LANCL3: variants seen among roughly 807,000 people sequenced by gnomAD.
The protein encoded by LANCL3 is LanC like family member 3, also known as lanC-like protein 3.
LANCL3 carries 19 observed loss-of-function variants against 26.5 expected under a neutral mutation model. That is an observed-to-expected ratio of 0.72 (90% CI 0.50 to 1.05). LANCL3 has a LOEUF of 1.05. Among genes scored for constraint, LANCL3 ranks in the 50% least tolerant of loss-of-function variants. The probability of loss-of-function intolerance (pLI) is 0.00; values close to 1 mark genes in which losing one functional copy is unlikely to be tolerated. For missense variants in LANCL3, 318 were observed against 362.7 expected, an observed-to-expected ratio of 0.88 and a Z score of 1.00; for synonymous variants, 160 against 166.6, an observed-to-expected ratio of 0.96 and a Z score of 0.30.
At chrX:37,647,830 A>G (rs1167208955) in intron 1 of LANCL3, among the ~76,000 whole-genome samples, 1 of 113,007 alleles carries the variant, frequency 8.8e-6, no homozygotes, top group African/African-American at 3.2e-5. Context: ...TACTCCGTAT[A>G]TTGTAAAAAT....
intron 1 of LANCL3, 81 bp from the exon 2 acceptor site, chrX:37,655,607 G>T: frequency 1.2e-6 from 1 of 860,409 alleles, no homozygotes; most frequent in South Asian, 3.0e-5. Flanking sequence ...TATGATGCTA[G>T]ACTTCTTAAG....
intron 1 of LANCL3, among the ~76,000 whole-genome samples, chrX:37,641,278 T>A (rs1925853362): frequency 9.1e-6 from 1 of 109,998 alleles, no homozygotes; most frequent in East Asian, 2.8e-4. Context: ...TTATTTCATA[T>A]ATATATATAT....
At chrX:37,581,653 T>C (rs1250421586) in intron 1 of LANCL3, among the ~76,000 whole-genome samples, 1 of 112,044 alleles carries the variant, frequency 8.9e-6, no homozygotes, top group East Asian at 2.8e-4. Context: ...GACATCTTCC[T>C]TTTTATTTTC....
At chrX:37,657,466 A>G (rs1364796316) in intron 2 of LANCL3, among the ~76,000 whole-genome samples, 2 of 110,380 alleles carry the variant, frequency 1.8e-5, no homozygotes, top group African/African-American at 6.6e-5. Context: ...AGCTCAGTTG[A>G]TCCTCCTGCC....
At chrX:37,653,769 T>C (rs1926213687) in intron 1 of LANCL3, among the ~76,000 whole-genome samples, 1 of 111,710 alleles carries the variant, frequency 9.0e-6, no homozygotes, top group African/African-American at 3.3e-5. Flanking sequence ...GAAAGAAGAC[T>C]TGGGGCTGAT....
rs1926849488 is a variant in LANCL3, at chrX:37,677,684, A to T, written c.*1871A>T. On this transcript the variant is annotated 3_prime_UTR_variant, in exon 5 of 5. Coordinates refer to ENST00000378619, the MANE Select transcript of LANCL3 (RefSeq NM_001170331.2). Reference sequence around the variant, plus strand: ...AGGCTGAATATAATAACCATCCTATATACAGAGCTTTATGGAACACATGCA... The same window carrying T: ...AGGCTGAATATAATAACCATCCTATTTACAGAGCTTTATGGAACACATGCA... 1 of 111,778 alleles carries T rather than the reference A, an allele frequency of 8.9e-6. No individual in the cohort carries two copies. The highest frequency in any genetic ancestry group is 2.8e-4 in the East Asian group (1 of 3,598). 9.2% of individuals were successfully genotyped at this position (111,778 alleles called of 1,213,427 possible).
At position 37,647,477 on chromosome X, in the gene LANCL3, A is replaced by C. The variant is rs192392287; in HGVS notation, c.574-8211A>C. On this transcript the variant is annotated intron_variant, in intron 1 of 4. Coordinates refer to ENST00000378619, the MANE Select transcript of LANCL3 (RefSeq NM_001170331.2). Reference sequence around the variant, plus strand: ...TCATTTTGATGTTTATTGGGTAGTCAGATGGCTTCTTTCTCTAGGCAGAAG... The same window carrying C: ...TCATTTTGATGTTTATTGGGTAGTCCGATGGCTTCTTTCTCTAGGCAGAAG... Among the ~76,000 whole-genome samples the C allele has an allele frequency of 7.1e-5, 8 of 112,649 alleles. No individual in the cohort carries two copies. The East Asian group carries it at 1.7e-3, about 24-fold the overall frequency.
At chrX:37,654,370 ATG>A (rs1926230786) in intron 1 of LANCL3, among the ~76,000 whole-genome samples, 1 of 112,591 alleles carries the variant, frequency 8.9e-6, no homozygotes, top group Non-Finnish European at 1.9e-5. Flanking sequence ...GGAAAATTAA[ATG>A]TGTCAGTTTT....
intron 1 of LANCL3, among the ~76,000 whole-genome samples, chrX:37,647,056 T>A (rs1926003803): frequency 8.9e-6 from 1 of 112,233 alleles, no homozygotes; most frequent in Non-Finnish European, 1.9e-5. Flanking sequence ...GGCTCACACC[T>A]GTAATCCCAG....
chrX:37,635,546 A>G (rs1925683618), intron 1 of LANCL3, among the ~76,000 whole-genome samples: 1 of 111,238 alleles, frequency 9.0e-6, no homozygotes, highest in Non-Finnish European at 1.9e-5. Flanking sequence ...ATCATTTAAC[A>G]CACCTGTCCC....
At chrX:37,585,054 C>T (rs1267718871) in intron 1 of LANCL3, among the ~76,000 whole-genome samples, 7 of 111,929 alleles carry the variant, frequency 6.3e-5, no homozygotes, top group Admixed American at 3.8e-4. Context: ...TCGTTATGTA[C>T]CCAGTAGTCA....
chrX:37,622,233 A>G (rs1556422346), intron 1 of LANCL3, among the ~76,000 whole-genome samples: 1 of 111,276 alleles, frequency 9.0e-6, no homozygotes, highest in Admixed American at 9.6e-5. Flanking sequence ...TTTCATGTCA[A>G]TACTTTAGCT....
chrX:37,615,049 C>T (rs782191378), intron 1 of LANCL3, among the ~76,000 whole-genome samples: 3 of 111,916 alleles, frequency 2.7e-5, no homozygotes, highest in South Asian at 7.4e-4. Flanking sequence ...CCCCATTTTA[C>T]GGTGAAGAAA....
rs1166196069 is a variant in LANCL3, at chrX:37,682,168, T to C, written c.*6355T>C. 1.9e-5 allele frequency: 2 copies of C among 103,540 alleles called. No individual in the cohort carries two copies. Among genetic ancestry groups the C allele is most frequent in the African/African-American group, 3.5e-5 (1 of 28,455 alleles). 8.5% of individuals were successfully genotyped at this position (103,540 alleles called of 1,213,427 possible). The stretch of plus-strand genomic sequence containing the variant: ...CCCAGGCTGGAGTGCAGTGGCGGGA[T>C]CTCGGCTCGCTGCAAGCTCCGCCTC... On this transcript the variant is annotated 3_prime_UTR_variant, in exon 5 of 5. Transcript: ENST00000378619.
In LANCL3 at chrX:37,572,239, G is replaced by C; in HGVS notation, c.369G>C (p.Gly123=). The change falls in exon 1 of 5, where the codon GGG becomes GGC. Residue 123 remains glycine (G), a synonymous_variant. Transcript: ENST00000378619. ...DADTRAAFLL[G]GAGVYAVATL... is the part of the protein sequence containing the mutation. ...ACACCCGCGCCGCCTTCCTGCTCGG[G>C]GGCGCGGGCGTGTACGCCGTGGCCA... is the stretch of plus-strand genomic sequence containing the variant. 8.7e-7 allele frequency: 1 copy of C among 1,147,896 alleles called. No individual in the cohort carries two copies. The highest frequency in any genetic ancestry group is 1.8e-5 in the African/African-American group (1 of 56,213). 94.6% of individuals were successfully genotyped at this position (1,147,896 alleles called of 1,213,427 possible). A position where few individuals can be genotyped will look rare whatever the true frequency, so the allele number is the denominator to read the frequency against.
chrX:37,646,863 G>C (rs1223953262), intron 1 of LANCL3, among the ~76,000 whole-genome samples: 1 of 111,747 alleles, frequency 8.9e-6, no homozygotes, highest in East Asian at 2.8e-4. Flanking sequence ...TGGGATGGAG[G>C]TAGGAAAGCA....
At chrX:37,573,887 C>T (rs1923670529) in intron 1 of LANCL3, among the ~76,000 whole-genome samples, 1 of 108,418 alleles carries the variant, frequency 9.2e-6, no homozygotes, top group South Asian at 4.1e-4. Context: ...AAGGACTCTG[C>T]CCAAAAACTG....
chrX:37,581,475 T>C (rs1556417010), intron 1 of LANCL3, among the ~76,000 whole-genome samples: 1 of 112,057 alleles, frequency 8.9e-6, no homozygotes, highest in East Asian at 2.8e-4. Flanking sequence ...TTTAAATTAT[T>C]TCATGGTAAT....
In LANCL3 at chrX:37,683,283, A is replaced by G. The variant is rs958460610; in HGVS notation, c.*7470A>G. The G allele has an allele frequency of 2.7e-5, 3 of 112,062 alleles. No individual in the cohort carries two copies. The highest frequency in any genetic ancestry group is 5.6e-5 in the Non-Finnish European group (3 of 53,169). 9.2% of individuals were successfully genotyped at this position (112,062 alleles called of 1,213,427 possible). A position where few individuals can be genotyped will look rare whatever the true frequency, so the allele number is the denominator to read the frequency against. On this transcript the variant is annotated 3_prime_UTR_variant, in exon 5 of 5. Transcript: ENST00000378619. ...CAAAGAAATACTCTGTCAATATAGTATAACTGCTTATTTCAAATTGTATCT... is the reference window on the plus strand; with the variant it reads ...CAAAGAAATACTCTGTCAATATAGTGTAACTGCTTATTTCAAATTGTATCT...
Sources: gnomAD v4.1 joint callset for allele counts (sites outside exome capture counted in the v4.1 genomes callset) on GRCh38, gnomAD v4.1.1 for gene constraint, MANE v1.5 for transcripts, NCBI Gene and HGNC (gene_info 2026-07-23, HGNC 2026-07-21) for gene names.